DCAF8L2: variants seen among roughly 807,000 people sequenced by gnomAD.
The protein encoded by DCAF8L2 is DDB1 and CUL4 associated factor 8 like 2.
For synonymous variants in DCAF8L2, 200 were observed against 190.9 expected (o/e 1.05, Z -0.39); for missense variants, 430 against 490.7 (o/e 0.88, Z 1.17).
chrX:27,604,940 A>G (rs1049778635), intron 1 of DCAF8L2, among the ~76,000 whole-genome samples: 17 of 112,229 alleles, frequency 1.5e-4, no homozygotes, highest in African/African-American at 5.5e-4. Context: ...AATGAGTGTA[A>G]AATTTTAGGA....
chrX:27,626,215 T>C (rs1454840217), intron 1 of DCAF8L2, among the ~76,000 whole-genome samples: 1 of 110,870 alleles, frequency 9.0e-6, no homozygotes, highest in Non-Finnish European at 1.9e-5. Flanking sequence ...GCTAGAATCA[T>C]AGAAGGAGCT....
At position 27,661,568 on chromosome X, in the gene DCAF8L2, G is replaced by A. The variant is rs1166176088; in HGVS notation, c.-219-16268G>A. 2.7e-5 allele frequency among the ~76,000 whole-genome samples: 3 copies of A among 111,512 alleles called. No individual in the cohort carries two copies. In the South Asian group the frequency reaches 1.1e-3, roughly 42 times the overall value. The stretch of plus-strand genomic sequence containing the variant: ...GTTCCTGATATTATGCTATCTTGTA[G>A]TAGGGGATTAATATATGCTTGTTAA... On this transcript the variant is annotated intron_variant, in intron 2 of 4. Transcript: ENST00000451261.
At chrX:27,636,316 TAAC>T (rs1447437208) in intron 2 of DCAF8L2, among the ~76,000 whole-genome samples, 1 of 112,097 alleles carries the variant, frequency 8.9e-6, no homozygotes, top group Non-Finnish European at 1.9e-5. Context: ...TATTTTATAA[TAAC>T]AATTTATTAT....
intron 3 of DCAF8L2, among the ~76,000 whole-genome samples, chrX:27,697,606 T>C (rs1449932767): frequency 9.0e-6 from 1 of 111,608 alleles, no homozygotes; most frequent in Non-Finnish European, 1.9e-5. Context: ...TATTCTACTC[T>C]TTTTATTTTT....
chrX:27,720,874 A>G (rs753668984), intron 4 of DCAF8L2, among the ~76,000 whole-genome samples: 3 of 111,672 alleles, frequency 2.7e-5, no homozygotes, highest in South Asian at 7.3e-4. Flanking sequence ...GACCTTACAT[A>G]TATTTTATTA....
chrX:27,649,886 C>G (rs773169525), intron 2 of DCAF8L2, among the ~76,000 whole-genome samples: 6 of 111,685 alleles, frequency 5.4e-5, no homozygotes, highest in Non-Finnish European at 9.4e-5. Flanking sequence ...AAGGCTGATG[C>G]ATAGAATGGT....
the DCAF8L2 span, among the ~76,000 whole-genome samples, chrX:27,568,823 C>T: frequency 2.8e-5 from 3 of 106,720 alleles, no homozygotes; most frequent in Non-Finnish European, 5.8e-5. Flanking sequence ...CCTCCCCGCT[C>T]CCCCCACCCC....
At position 27,749,740 on chromosome X, in the gene DCAF8L2, G is replaced by A. The variant is rs749499988; in HGVS notation, c.*949G>A. Among the ~76,000 whole-genome samples the A allele has an allele frequency of 6.2e-5, 7 of 112,067 alleles. No homozygotes were observed. Among genetic ancestry groups the A allele is most frequent in the East Asian group, 2.8e-4 (1 of 3,566 alleles). ...CATTCTAATTAACTTTTAAGAACAAGTTGCAATAAAGATTGTTTATACTTA... is the reference window on the plus strand; with the variant it reads ...CATTCTAATTAACTTTTAAGAACAAATTGCAATAAAGATTGTTTATACTTA... On this transcript the variant is annotated 3_prime_UTR_variant, in exon 5 of 5. Coordinates refer to ENST00000451261, the MANE Select transcript of DCAF8L2 (RefSeq NM_001353450.2).
At chrX:27,497,333 C>G in the DCAF8L2 span, among the ~76,000 whole-genome samples, 1 of 111,159 alleles carries the variant, frequency 9.0e-6, no homozygotes, top group African/African-American at 3.3e-5. Flanking sequence ...ACTGTACCTT[C>G]TTAATCATTC....
At chrX:27,513,502 C>T in the DCAF8L2 span, among the ~76,000 whole-genome samples, 1 of 111,131 alleles carries the variant, frequency 9.0e-6, no homozygotes, top group East Asian at 2.8e-4. Flanking sequence ...GTCAACAGAT[C>T]AAGACCATCC....
At chrX:27,560,791 C>T in the DCAF8L2 span, among the ~76,000 whole-genome samples, 7 of 112,060 alleles carry the variant, frequency 6.2e-5, no homozygotes, top group South Asian at 1.9e-3. Flanking sequence ...GTTGCTGATG[C>T]CATGGCCTTG....
At chrX:27,515,745 A>G in the DCAF8L2 span, among the ~76,000 whole-genome samples, 1 of 112,003 alleles carries the variant, frequency 8.9e-6, no homozygotes, top group African/African-American at 3.2e-5. Flanking sequence ...ATGAAAGTTC[A>G]GGTTTTTATG....
At chrX:27,684,724 T>G (rs988931383) in intron 3 of DCAF8L2, among the ~76,000 whole-genome samples, 4 of 111,677 alleles carry the variant, frequency 3.6e-5, no homozygotes, top group Admixed American at 2.9e-4. Context: ...GTAGGACATC[T>G]TTGATGTGAA....
At chrX:27,497,644 C>G in the DCAF8L2 span, among the ~76,000 whole-genome samples, 5 of 109,073 alleles carry the variant, frequency 4.6e-5, no homozygotes, top group Admixed American at 2.0e-4. Context: ...TCTCCGCTCA[C>G]TGCAACCTCT....
rs1988037423 is a variant in DCAF8L2, at chrX:27,717,369, C to T, written c.-59+1198C>T. 2.7e-5 allele frequency among the ~76,000 whole-genome samples: 3 copies of T among 112,346 alleles called. No homozygotes were observed. The South Asian group carries it at 1.1e-3, about 41-fold the overall frequency. On this transcript the variant is annotated intron_variant, in intron 4 of 4. Coordinates refer to ENST00000451261, the MANE Select transcript of DCAF8L2 (RefSeq NM_001353450.2). ...CCACCAACAGTGTTAAAGTTTCCTT[C>T]TGCTCCACAACCTCACCAGCATCTG...
At chrX:27,673,697 G>T (rs1602721658) in intron 2 of DCAF8L2, among the ~76,000 whole-genome samples, 1 of 107,371 alleles carries the variant, frequency 9.3e-6, no homozygotes, top group East Asian at 2.9e-4. Flanking sequence ...ATACGTGGTT[G>T]TGTGTATATA....
chrX:27,689,587 C>G (rs763378930), intron 3 of DCAF8L2, among the ~76,000 whole-genome samples: 23 of 112,619 alleles, frequency 2.0e-4, no homozygotes, highest in Non-Finnish European at 3.2e-4. Flanking sequence ...CACATTATAG[C>G]CTTTATAACT....
chrX:27,749,593 G>A lies in DCAF8L2; in HGVS notation c.*802G>A, dbSNP rs1358098512. Among the ~76,000 whole-genome samples the A allele has an allele frequency of 8.9e-6, 1 of 112,003 alleles. No homozygotes were observed. Among genetic ancestry groups the A allele is most frequent in the Non-Finnish European group, 1.9e-5 (1 of 53,184 alleles). ...TGACATTGTTTACTCTGTGCATTAA[G>A]TTTTCTTGAAGTTTTAAGGTTGGGA... On this transcript the variant is annotated 3_prime_UTR_variant, in exon 5 of 5. Transcript: ENST00000451261.
At chrX:27,539,102 G>A in the DCAF8L2 span, among the ~76,000 whole-genome samples, 5 of 111,488 alleles carry the variant, frequency 4.5e-5, no homozygotes, top group African/African-American at 1.6e-4. Context: ...TCCCGCCTTG[G>A]CCTCCCAAAG....
Sources: allele counts gnomAD v4.1 joint callset (sites outside exome capture counted in the v4.1 genomes callset), GRCh38; gene constraint gnomAD v4.1.1; transcripts MANE v1.5; gene names NCBI Gene and HGNC (gene_info 2026-07-23, HGNC 2026-07-21).